METTL8: variants seen among roughly 807,000 people sequenced by gnomAD.
The protein encoded by METTL8 is tRNA N(3)-cytidine methyltransferase METTL8, mitochondrial.
In METTL8, 32 loss-of-function variants were observed where a neutral mutation model predicts 48.7. That is an observed-to-expected ratio of 0.66 (90% CI 0.50 to 0.88). METTL8 has a LOEUF of 0.88. Ranked by LOEUF, METTL8 falls within the 40% of genes least tolerant of loss-of-function variation. The pLI is 0.00. For synonymous variants in METTL8, 136 were observed against 157.1 expected, an observed-to-expected ratio of 0.87 and a Z score of 1.01; for missense variants, 464 against 474.4, an observed-to-expected ratio of 0.98 and a Z score of 0.20.
chr2:171,377,039 C>T (rs1478010440), intron 2 of METTL8, among the ~76,000 whole-genome samples: 2 of 152,080 alleles, frequency 1.3e-5, no homozygotes, highest in East Asian at 3.8e-4. Context: ...AGAAATAAAG[C>T]CAAATACTTA....
At chr2:171,422,176 G>C (rs537054428) in intron 1 of METTL8, among the ~76,000 whole-genome samples, 58 of 152,262 alleles carry the variant, frequency 3.8e-4, no homozygotes, top group Admixed American at 1.2e-3. Context: ...CACAGAAATA[G>C]ACTTGACCAG....
rs901638295 is a variant in METTL8 at position 171,320,137 on chromosome 2, C to G, written c.*4035G>C. The G allele has an allele frequency of 2.0e-5, 3 of 152,036 alleles. No homozygotes were observed. The highest frequency in any genetic ancestry group is 6.6e-5 in the Admixed American group (1 of 15,256). 9.4% of individuals were successfully genotyped at this position (152,036 alleles called of 1,614,324 possible). The stretch of plus-strand genomic sequence containing the variant: ...AATTCCAAATAGGTCTTTCCCTTTT[C>G]TTTCTGTGCCAAAATCTACATTTCT... On this transcript the variant is annotated 3_prime_UTR_variant, in exon 10 of 10. Transcript: ENST00000375258.
At chr2:171,340,729 T>C (rs1204857996) in intron 3 of METTL8, among the ~76,000 whole-genome samples, 1 of 152,152 alleles carries the variant, frequency 6.6e-6, no homozygotes, top group African/African-American at 2.4e-5. Flanking sequence ...CCAACCTCCC[T>C]TTTTGCATTT....
intron 2 of METTL8, among the ~76,000 whole-genome samples, chr2:171,367,476 C>T (rs1038910144): frequency 1.3e-5 from 2 of 151,854 alleles, no homozygotes. Context: ...TTCAGATAAA[C>T]AAAATTTGAG....
chr2:171,405,987 T>C (rs1212488023), intron 1 of METTL8, among the ~76,000 whole-genome samples: 2 of 152,210 alleles, frequency 1.3e-5, no homozygotes, highest in East Asian at 3.8e-4. Flanking sequence ...TGAACATAAG[T>C]TGCCTATCTA....
intron 2 of METTL8, among the ~76,000 whole-genome samples, chr2:171,386,948 G>T (rs1688113394): frequency 6.6e-6 from 1 of 152,098 alleles, no homozygotes. Context: ...TTTGGCTAGG[G>T]CAGCCAGAGG....
intron 2 of METTL8, among the ~76,000 whole-genome samples, chr2:171,375,930 C>T (rs967106891): frequency 6.6e-6 from 1 of 152,160 alleles, no homozygotes; most frequent in Admixed American, 6.5e-5. Flanking sequence ...TCCCTGACAC[C>T]CAACCTTTTC....
At chr2:171,373,611 T>C (rs1686615046) in intron 2 of METTL8, among the ~76,000 whole-genome samples, 1 of 152,260 alleles carries the variant, frequency 6.6e-6, no homozygotes, top group Admixed American at 6.5e-5. Flanking sequence ...TTTATGGTTT[T>C]AGATCTAACA....
chr2:171,355,919 G>A (rs1160054442), intron 3 of METTL8, among the ~76,000 whole-genome samples: 1 of 152,168 alleles, frequency 6.6e-6, no homozygotes, highest in Non-Finnish European at 1.5e-5. Flanking sequence ...CGCTTCCCGG[G>A]TGAGGTGATG....
At chr2:171,343,238 G>A (rs1686953638) in intron 3 of METTL8, among the ~76,000 whole-genome samples, 1 of 152,100 alleles carries the variant, frequency 6.6e-6, no homozygotes, top group Non-Finnish European at 1.5e-5. Flanking sequence ...TCAGGAGCTC[G>A]AGACCGGCCT....
intron 2 of METTL8, among the ~76,000 whole-genome samples, chr2:171,379,815 A>T (rs962663394): frequency 1.3e-5 from 2 of 152,236 alleles, no homozygotes; most frequent in Non-Finnish European, 2.9e-5. Flanking sequence ...ATTCTACCAG[A>T]GGTACAAAGA....
chr2:171,358,081 T>C (rs577907728), intron 3 of METTL8, among the ~76,000 whole-genome samples: 31 of 152,054 alleles, frequency 2.0e-4, no homozygotes, highest in Non-Finnish European at 4.3e-4. Flanking sequence ...CCAGGTGTGG[T>C]GGCTCACACC....
intron 9 of METTL8, among the ~76,000 whole-genome samples, chr2:171,324,781 G>A (rs1405950493): frequency 1.3e-5 from 2 of 152,148 alleles, no homozygotes; most frequent in African/African-American, 4.8e-5. Context: ...TGTGAAATTG[G>A]TTGGGCATGG....
At chr2:171,434,052 G>A (rs1214709131), upstream of METTL8, 1 of 288,028 alleles carries the variant, frequency 3.5e-6, no homozygotes, top group East Asian at 1.2e-4. Context: ...GAGACCTGGA[G>A]GCGGCAGCAC....
chr2:171,337,575 T>C (rs1400345035), intron 4 of METTL8, 73 bp from the exon 5 acceptor site: 1 of 1,154,436 alleles, frequency 8.7e-7, no homozygotes, highest in Non-Finnish European at 1.3e-6. Flanking sequence ...AGATCTCCTA[T>C]TAAAGAAAAA....
intron 1 of METTL8, among the ~76,000 whole-genome samples, chr2:171,400,252 G>A (rs932199561): frequency 6.6e-6 from 1 of 152,088 alleles, no homozygotes; most frequent in African/African-American, 2.4e-5. Flanking sequence ...TCTAATTAAA[G>A]AATCCACATT....
chr2:171,409,720 G>T (rs959091637), intron 1 of METTL8, among the ~76,000 whole-genome samples: 4 of 152,216 alleles, frequency 2.6e-5, no homozygotes, highest in African/African-American at 9.6e-5. Flanking sequence ...GCAGGGCAGA[G>T]AGGGGAGCCT....
chr2:171,337,995 A>C (rs888878986), intron 4 of METTL8, among the ~76,000 whole-genome samples: 1 of 152,226 alleles, frequency 6.6e-6, no homozygotes, highest in African/African-American at 2.4e-5. Context: ...AAACAGACAT[A>C]CACTGTCATG....
intron 2 of METTL8, among the ~76,000 whole-genome samples, chr2:171,386,158 C>T (rs1211354616): frequency 6.6e-6 from 1 of 152,136 alleles, no homozygotes; most frequent in Non-Finnish European, 1.5e-5. Flanking sequence ...GGCAAGAGAG[C>T]AGGTGGTAGC....
Sources: allele counts gnomAD v4.1 joint callset (sites outside exome capture counted in the v4.1 genomes callset), GRCh38; gene constraint gnomAD v4.1.1; transcripts MANE v1.5; gene names NCBI Gene and HGNC (gene_info 2026-07-23, HGNC 2026-07-21).